Variants in HOOK2 observed in about 807,000 individuals in gnomAD.
HOOK2 encodes the protein protein Hook homolog 2.
In HOOK2, 108 loss-of-function variants were observed where a neutral mutation model predicts 111.9. That is an observed-to-expected ratio of 0.96 (90% CI 0.83 to 1.13). The LOEUF (loss-of-function observed/expected upper bound fraction) is 1.13. Among genes scored for constraint, HOOK2 ranks in the 50% most tolerant of loss-of-function variants. The pLI is 0.00. For missense variants in HOOK2, 978 were observed against 951.3 expected (o/e 1.03, Z -0.37); for synonymous variants, 405 against 394.3 (o/e 1.03, Z -0.32).
intron 10 of HOOK2, 149 bp downstream of exon 10, chr19:12,770,783 C>G: frequency 1.1e-6 from 1 of 948,762 alleles, no homozygotes; most frequent in South Asian, 1.7e-5. Context: ...TTCTGTAGGG[C>G]TCAGGGTGGC....
intron 14 of HOOK2, among the ~76,000 whole-genome samples, chr19:12,766,784 C>G (rs372300011): frequency 7.9e-5 from 12 of 152,102 alleles, no homozygotes; most frequent in African/African-American, 2.9e-4. Context: ...GGGGTTTCAC[C>G]GTGTTAGCCA....
chr19:12,785,746 G>A (rs191242673), intron 3 of HOOK2, among the ~76,000 whole-genome samples: 18 of 152,276 alleles, frequency 1.2e-4, no homozygotes, highest in Middle Eastern at 3.4e-3. Context: ...CCAGTCACAC[G>A]CTTGCCCCCT....
chr19:12,788,140 C>G (rs1041010581), intron 3 of HOOK2, among the ~76,000 whole-genome samples: 1 of 152,222 alleles, frequency 6.6e-6, no homozygotes, highest in Non-Finnish European at 1.5e-5. Context: ...TGCATACATG[C>G]TTCTCTGGTT....
upstream of HOOK2, among the ~76,000 whole-genome samples, chr19:12,779,393 C>T (rs552526573): frequency 2.6e-5 from 4 of 152,302 alleles, no homozygotes; most frequent in East Asian, 7.7e-4. Flanking sequence ...GGGTGGACTC[C>T]ATGCATCATC....
At chr19:12,775,318 C>T (rs1968468018) in intron 1 of HOOK2, 87 bp downstream of exon 1, 1 of 1,546,178 alleles carries the variant, frequency 6.5e-7, no homozygotes. Flanking sequence ...CCAGCCCCAG[C>T]ACCAAGAGAC....
intron 3 of HOOK2, among the ~76,000 whole-genome samples, chr19:12,784,154 C>T (rs1031298944): frequency 6.6e-6 from 1 of 152,126 alleles, no homozygotes; most frequent in Non-Finnish European, 1.5e-5. Flanking sequence ...AGGGTCAGCC[C>T]CTCCCGGGGC....
Position 12,786,562 on chromosome 19 carries a change from C to G in HOOK2, n.42-12337G>C, listed in dbSNP as rs1968658630. Among the ~76,000 whole-genome samples, 2 of 152,236 alleles carry G rather than the reference C, an allele frequency of 1.3e-5. No homozygotes were observed. Among genetic ancestry groups the G allele is most frequent in the South Asian group, 4.1e-4 (2 of 4,832 alleles). On this transcript the variant is annotated intron_variant and non_coding_transcript_variant, in intron 3 of 3. Coordinates refer to the HOOK2 transcript ENST00000589765. This position sits in a 1 kb window ranked among gnomAD's most constrained non-coding sequence, Gnocchi z 4.3. ...CTGGAGCCCAGGGCCTGGGCAGTAC[C>G]CAGCTGCCAGTCTGGACGCTCAGGC...
intron 3 of HOOK2, among the ~76,000 whole-genome samples, chr19:12,783,769 G>A (rs998576571): frequency 6.6e-6 from 1 of 152,196 alleles, no homozygotes; most frequent in African/African-American, 2.4e-5. Flanking sequence ...GTTGAGCACG[G>A]GAGCCAGAAG....
At chr19:12,765,264 C>T (rs1968113719) in intron 18 of HOOK2, 183 bp from the exon 19 acceptor site, 2 of 635,140 alleles carry the variant, frequency 3.1e-6, no homozygotes, top group East Asian at 5.5e-5. Context: ...GCTGTCAGAG[C>T]CACAACCCTC....
At chr19:12,764,785 C>A (rs1484130818) in intron 20 of HOOK2, 29 bp downstream of exon 20, 12 of 1,595,560 alleles carry the variant, frequency 7.5e-6, no homozygotes, top group Non-Finnish European at 1.0e-5. Context: ...CCAGGGCAGG[C>A]AACTTGTGGG....
Position 12,772,790 on chromosome 19 carries a change from C to G in HOOK2, c.378G>C (p.Glu126Asp). ...CTAAGCTCCCCATACCCTGCTTTTT[C>G]TCGCAACTGATGGCACAGCCCAGCA... ...QLVLGCAISC[E>D]KKQDHIQRIM... Residue 126 changes from glutamate (E) to aspartate (D), a missense_variant, in exon 5 of 23, where the codon GAG becomes GAC. This residue lies in a region of HOOK2 where 301 missense variants were observed against 286.1 expected (regional missense o/e 1.05). Coordinates refer to ENST00000397668, the MANE Select transcript of HOOK2 (RefSeq NM_013312.3). 6.2e-7 allele frequency: 1 copy of G among 1,614,152 alleles called. No homozygotes were observed. The highest frequency in any genetic ancestry group is 8.5e-7 in the Non-Finnish European group (1 of 1,180,000).
intron 13 of HOOK2, 41 bp downstream of exon 13, chr19:12,767,775 C>A: frequency 6.4e-7 from 1 of 1,561,680 alleles, no homozygotes. Flanking sequence ...CCAAACAGTA[C>A]ACCAGGACAG....
chr19:12,777,296 A>G (rs1020172922), upstream of HOOK2, among the ~76,000 whole-genome samples: 1 of 151,980 alleles, frequency 6.6e-6, no homozygotes, highest in Non-Finnish European at 1.5e-5. Context: ...CAACACAGCG[A>G]GACTCCGTCT....
At chr19:12,788,237 C>A (rs552058501) in intron 3 of HOOK2, among the ~76,000 whole-genome samples, 1 of 152,278 alleles carries the variant, frequency 6.6e-6, no homozygotes, top group South Asian at 2.1e-4. Flanking sequence ...CTGTTGGACA[C>A]CAGACAAGTT....
upstream of HOOK2, among the ~76,000 whole-genome samples, chr19:12,782,557 A>G (rs1482049898): frequency 6.6e-6 from 1 of 152,146 alleles, no homozygotes; most frequent in Non-Finnish European, 1.5e-5. Context: ...GCGTGACGTG[A>G]GACACGACGG....
chr19:12,781,712 G>T (rs1968604411), upstream of HOOK2, among the ~76,000 whole-genome samples: 1 of 152,138 alleles, frequency 6.6e-6, no homozygotes, highest in African/African-American at 2.4e-5. Context: ...TGGTAACAGG[G>T]GTCATGCGAT....
chr19:12,792,179 C>G, intron 3 of HOOK2: 1 of 1,586,710 alleles, frequency 6.3e-7, no homozygotes, highest in Admixed American at 1.8e-5. Flanking sequence ...AGGGCTTCGC[C>G]GACGGCTTTG....
intron 14 of HOOK2, 124 bp from the exon 15 acceptor site, chr19:12,766,364 G>C: frequency 8.0e-7 from 1 of 1,246,944 alleles, no homozygotes; most frequent in African/African-American, 1.5e-5. Context: ...AGACCATGGG[G>C]TTGGAGCACC....
upstream of HOOK2, among the ~76,000 whole-genome samples, chr19:12,779,532 G>GT (rs1184923950): frequency 6.6e-6 from 1 of 152,082 alleles, no homozygotes; most frequent in Non-Finnish European, 1.5e-5. Context: ...GTTTTTTTGT[G>GT]TTTTTGAGAG....
Sources: allele counts gnomAD v4.1 joint callset (sites outside exome capture counted in the v4.1 genomes callset), GRCh38; gene constraint gnomAD v4.1.1; regional missense constraint gnomAD v4.1.1; non-coding constraint Gnocchi (gnomAD v3.1); transcripts MANE v1.5; gene names NCBI Gene and HGNC (gene_info 2026-07-23, HGNC 2026-07-21).